APBA2: variants seen among roughly 807,000 people sequenced by gnomAD.
APBA2 encodes amyloid beta precursor protein binding family A member 2, also known as amyloid-beta A4 precursor protein-binding family A member 2.
APBA2 carries 30 observed loss-of-function variants against 75.0 expected under a neutral mutation model. The ratio of observed to expected loss-of-function variants is 0.40; its 90% CI spans 0.30 to 0.54. The LOEUF (loss-of-function observed/expected upper bound fraction) is 0.54, where lower values mean the gene tolerates loss of function less well. Ranked by LOEUF, APBA2 falls within the 20% of genes least tolerant of loss-of-function variation. The pLI is 0.49. For synonymous variants in APBA2, 444 were observed against 409.6 expected (o/e 1.08, Z -1.01); for missense variants, 801 against 1,016.1 (o/e 0.79, Z 2.88).
At chr15:29,008,320 T>C (rs1437777498) in intron 3 of APBA2, among the ~76,000 whole-genome samples, 1 of 152,216 alleles carries the variant, frequency 6.6e-6, no homozygotes, top group African/African-American at 2.4e-5. Context: ...GTCATGATGG[T>C]AGCACAGCAG....
intron 2 of APBA2, among the ~76,000 whole-genome samples, chr15:28,951,880 C>CA (rs1432333036): frequency 2.9e-5 from 4 of 138,486 alleles, no homozygotes; most frequent in Non-Finnish European, 6.1e-5. Context: ...CTGCACTCAG[C>CA]CTTTTTTTTT....
At chr15:29,045,078 T>TCC (rs2041244116) in intron 3 of APBA2, among the ~76,000 whole-genome samples, 2 of 116,452 alleles carry the variant, frequency 1.7e-5, no homozygotes, top group Non-Finnish European at 3.0e-5. Flanking sequence ...CTTCTCTCTC[T>TCC]CTCTCTCTCT....
intron 14 of APBA2, 72 bp downstream of exon 14, chr15:29,114,088 C>T: frequency 6.2e-7 from 1 of 1,604,694 alleles, no homozygotes; most frequent in East Asian, 2.2e-5. Context: ...CATGAGCCTC[C>T]CCCGCTCCAG....
chr15:28,974,513 T>G (rs2037232345), intron 2 of APBA2, among the ~76,000 whole-genome samples: 2 of 152,162 alleles, frequency 1.3e-5, no homozygotes, highest in Admixed American at 1.3e-4. Context: ...TTGGAACACT[T>G]AGGAAAGTTG....
intron 1 of APBA2, among the ~76,000 whole-genome samples, chr15:28,903,549 T>A (rs2032980370): frequency 6.6e-6 from 1 of 152,154 alleles, no homozygotes; most frequent in African/African-American, 2.4e-5. Flanking sequence ...AGGCCCAGGA[T>A]GAAATGAAAT....
At chr15:29,020,959 A>T (rs1317740672) in intron 3 of APBA2, among the ~76,000 whole-genome samples, 1 of 152,234 alleles carries the variant, frequency 6.6e-6, no homozygotes, top group Non-Finnish European at 1.5e-5. Context: ...AACCTCAGAC[A>T]ATATATAAGC....
At chr15:29,065,986 G>C (rs1222778996) in intron 4 of APBA2, among the ~76,000 whole-genome samples, 1 of 152,170 alleles carries the variant, frequency 6.6e-6, no homozygotes, top group Non-Finnish European at 1.5e-5. Flanking sequence ...GTGACGTCAG[G>C]GTGGAGGCTG....
At chr15:29,059,617 A>G (rs532327697) in intron 4 of APBA2, among the ~76,000 whole-genome samples, 1 of 152,326 alleles carries the variant, frequency 6.6e-6, no homozygotes, top group South Asian at 2.1e-4. Context: ...AATCTATATT[A>G]AACAAGGTGC....
chr15:29,033,550 A>C (rs2040589934), intron 3 of APBA2, among the ~76,000 whole-genome samples: 1 of 152,110 alleles, frequency 6.6e-6, no homozygotes, highest in Admixed American at 6.5e-5. Flanking sequence ...AGGGGTTCCC[A>C]TGACCAGTCT....
chr15:29,060,331 T>C (rs939827672), intron 4 of APBA2, among the ~76,000 whole-genome samples: 1 of 152,176 alleles, frequency 6.6e-6, no homozygotes, highest in African/African-American at 2.4e-5. Context: ...GTGTTGCAGA[T>C]GGCACAGTTA....
At chr15:28,942,325 C>G (rs1401696031) in intron 2 of APBA2, among the ~76,000 whole-genome samples, 2 of 152,170 alleles carry the variant, frequency 1.3e-5, no homozygotes, top group African/African-American at 4.8e-5. Flanking sequence ...TTGACTCAGA[C>G]CCACTCGTAT....
intron 2 of APBA2, among the ~76,000 whole-genome samples, chr15:28,951,895 T>TTC (rs2035903977): frequency 2.3e-4 from 35 of 149,252 alleles, no homozygotes; most frequent in Admixed American, 2.3e-3. Flanking sequence ...TTTTTTTTTT[T>TTC]TTTTTTTTTT....
chr15:28,935,499 G>C (rs1175455284), intron 2 of APBA2, among the ~76,000 whole-genome samples: 2 of 152,226 alleles, frequency 1.3e-5, no homozygotes, highest in Non-Finnish European at 2.9e-5. Flanking sequence ...TGGCTGTCAG[G>C]GCGTAGGACG....
chr15:28,910,464 T>C (rs2033377931), intron 1 of APBA2, among the ~76,000 whole-genome samples: 1 of 152,182 alleles, frequency 6.6e-6, no homozygotes, highest in Admixed American at 6.5e-5. Context: ...GCTGCCCCAG[T>C]CAGATGGGAC....
At chr15:28,970,200 G>T (rs557142366) in intron 2 of APBA2, 1 of 152,152 alleles carries the variant, frequency 6.6e-6, no homozygotes, top group South Asian at 2.1e-4. Flanking sequence ...TGTGGTTTCC[G>T]AATCCGCTGA....
intron 2 of APBA2, among the ~76,000 whole-genome samples, chr15:28,972,837 A>G (rs2037137201): frequency 6.6e-6 from 1 of 152,220 alleles, no homozygotes; most frequent in Admixed American, 6.5e-5. Context: ...ACTGTGATCC[A>G]ACACTTTTAA....
At chr15:29,010,419 G>A (rs558905651) in intron 3 of APBA2, among the ~76,000 whole-genome samples, 8 of 152,068 alleles carry the variant, frequency 5.3e-5, no homozygotes, top group African/African-American at 1.2e-4. Flanking sequence ...CCACCAGCCC[G>A]GCTAATTTTT....
intron 2 of APBA2, among the ~76,000 whole-genome samples, chr15:28,955,077 T>A (rs761111300): frequency 5.9e-5 from 9 of 152,160 alleles, no homozygotes; most frequent in Non-Finnish European, 1.2e-4. Context: ...GCATCTGTAT[T>A]TGTTGCAGTG....
intron 2 of APBA2, chr15:28,990,620 C>T (rs2038178222): frequency 6.6e-6 from 1 of 152,180 alleles, no homozygotes. Flanking sequence ...TCTATATCTG[C>T]ACTCCCAACT....
Sources: allele counts gnomAD v4.1 joint callset (sites outside exome capture counted in the v4.1 genomes callset), GRCh38; gene constraint gnomAD v4.1.1; transcripts MANE v1.5; gene names NCBI Gene and HGNC (gene_info 2026-07-23, HGNC 2026-07-21).